Variants in CDH23 observed in about 807,000 individuals in gnomAD.
The protein encoded by CDH23 is cadherin related 23.
CDH23 carries 189 observed loss-of-function variants against 317.1 expected under a neutral mutation model. The observed-to-expected ratio is 0.60, with a 90% CI of 0.53 to 0.67. The LOEUF (loss-of-function observed/expected upper bound fraction) is 0.67, where lower values mean the gene tolerates loss of function less well. CDH23 is among the 30% of genes least tolerant of loss of function. The pLI, the probability that CDH23 is intolerant of heterozygous loss-of-function variation, is 0.00. For synonymous variants in CDH23, 1,839 were observed against 1,876.8 expected (o/e 0.98, Z 0.52); for missense variants, 4,401 against 4,592.4 (o/e 0.96, Z 1.20).
intron 11 of CDH23, among the ~76,000 whole-genome samples, chr10:71,639,429 G>C (rs1862428903): frequency 6.6e-6 from 1 of 152,234 alleles, no homozygotes; most frequent in Non-Finnish European, 1.5e-5. Flanking sequence ...TTTGTGCCCT[G>C]ACCTGAGCTG....
intron 18 of CDH23, among the ~76,000 whole-genome samples, chr10:71,683,127 A>G (rs978290502): frequency 1.4e-4 from 21 of 152,162 alleles, no homozygotes; most frequent in African/African-American, 3.9e-4. Flanking sequence ...TGCTGAATCC[A>G]TCTCCACGCT....
chr10:71,536,193 C>T (rs1855690977), intron 6 of CDH23, among the ~76,000 whole-genome samples: 1 of 152,240 alleles, frequency 6.6e-6, no homozygotes, highest in East Asian at 1.9e-4. Flanking sequence ...CCATGGAGAG[C>T]AGGCTGTAGG....
chr10:71,402,528 A>G (rs1326504813), intron 1 of CDH23, among the ~76,000 whole-genome samples: 1 of 152,226 alleles, frequency 6.6e-6, no homozygotes, highest in Admixed American at 6.5e-5. Flanking sequence ...TGAGAGGACA[A>G]CTTTACAAGG....
intron 38 of CDH23, chr10:71,755,171 G>C: frequency 1.5e-6 from 1 of 687,880 alleles, no homozygotes; most frequent in Middle Eastern, 2.4e-4. Context: ...CTTGGCCCCC[G>C]GAAATGGCAT....
chr10:71,754,769 A>G (rs1051158487), intron 38 of CDH23, among the ~76,000 whole-genome samples: 1 of 152,172 alleles, frequency 6.6e-6, no homozygotes, highest in Non-Finnish European at 1.5e-5. Context: ...CATTTTTATT[A>G]TATGGTGGAC....
At chr10:71,403,145 A>C (rs1055860292) in intron 1 of CDH23, among the ~76,000 whole-genome samples, 3 of 151,932 alleles carry the variant, frequency 2.0e-5, no homozygotes, top group Non-Finnish European at 2.9e-5. Context: ...AACAAAAAAC[A>C]ACAACCAAAA....
chr10:71,702,099 C>A lies in CDH23; in HGVS notation c.2475C>A (p.Ser825Arg). 6.2e-7 allele frequency: 1 copy of A among 1,613,980 alleles called. No homozygotes were observed. Reference sequence around the variant, plus strand: ...TCCAGCCACCCAACAAGTTCTACAGCCTCAACAGCACCACGGGCAAGATCC... The same window carrying A: ...TCCAGCCACCCAACAAGTTCTACAGACTCAACAGCACCACGGGCAAGATCC... ...YSIQPPNKFYSLNSTTGKIRT... is the reference protein window; with the variant it reads ...YSIQPPNKFYRLNSTTGKIRT... Residue 825 changes from serine to arginine, a missense_variant, in exon 23 of 70, where the codon AGC becomes AGA. Ser to Arg is a moderately radical substitution (Grantham distance 110). Around this residue, in one of 3 missense-constraint regions of CDH23, gnomAD observed 3,068 missense variants for 3,203.3 expected, o/e 0.96. Transcript: ENST00000224721.
intron 19 of CDH23, among the ~76,000 whole-genome samples, chr10:71,688,085 G>A (rs1159041909): frequency 6.6e-6 from 1 of 152,160 alleles, no homozygotes; most frequent in Non-Finnish European, 1.5e-5. Context: ...CAGGTCCCAG[G>A]GGCCATGATT....
intron 44 of CDH23, among the ~76,000 whole-genome samples, chr10:71,788,485 T>C (rs1369522640): frequency 1.3e-5 from 2 of 152,076 alleles, no homozygotes; most frequent in Non-Finnish European, 2.9e-5. Context: ...AGATGGAGTC[T>C]TGCTCTGTCA....
intron 9 of CDH23, among the ~76,000 whole-genome samples, chr10:71,589,047 T>G (rs1230717382): frequency 6.6e-6 from 1 of 151,780 alleles, no homozygotes. Flanking sequence ...AGCCCTTCCC[T>G]CTACAGGGCC....
At position 71,687,702 on chromosome 10, in the gene CDH23, TGGA is replaced by T. The variant is rs1469305853; in HGVS notation, c.2044_2046del (p.Glu682del). 1.2e-6 allele frequency: 2 copies of T among 1,613,746 alleles called. No homozygotes were observed. The highest frequency in any genetic ancestry group is 1.7e-6 in the Non-Finnish European group (2 of 1,179,826). On this transcript the variant is annotated inframe_deletion, in exon 19 of 70. Transcript: ENST00000224721. ...AAGCCCGCCTACTTCGTCTCCGTGG[TGGA>T]GAACATCATGGCAGGTACAGGCTCA...
rs560086041 is a variant in CDH23 at position 71,688,039 on chromosome 10, G to A, written c.2059+320G>A. Among the ~76,000 whole-genome samples the A allele has an allele frequency of 3.5e-4, 53 of 152,340 alleles. 1 individual carries two copies. The South Asian group carries it at 0.01, about 30-fold the overall frequency. On this transcript the variant is annotated intron_variant, in intron 19 of 69. Transcript: ENST00000224721. ...AGCAATCTTGATTAAACAGTCTCAA[G>A]TATACAGAGGGCTCTGAGACTATAG... is the stretch of plus-strand genomic sequence containing the variant.
intron 38 of CDH23, chr10:71,755,151 C>A: frequency 1.5e-6 from 1 of 659,094 alleles, no homozygotes; most frequent in East Asian, 2.9e-5. Context: ...GCCAAAGGGG[C>A]TGGTGGGCAC....
chr10:71,611,687 T>A (rs868143113), intron 9 of CDH23, among the ~76,000 whole-genome samples: 150 of 152,318 alleles, frequency 9.8e-4, no homozygotes, highest in African/African-American at 3.3e-3. Flanking sequence ...AGACCCATGA[T>A]TTGAACCCGT....
intron 19 of CDH23, among the ~76,000 whole-genome samples, chr10:71,689,212 T>C (rs202061210): frequency 0.025 from 2,183 of 87,990 alleles, 466 homozygotes; most frequent in Middle Eastern, 0.06. Flanking sequence ...GTTGGTGGAG[T>C]CAGGGATGGT....
At chr10:71,554,406 C>T (rs1376378486) in intron 6 of CDH23, among the ~76,000 whole-genome samples, 3 of 151,746 alleles carry the variant, frequency 2.0e-5, no homozygotes, top group Non-Finnish European at 4.4e-5. Flanking sequence ...CTATGTTGCC[C>T]AGGCTGGTCT....
chr10:71,631,074 A>G (rs1181990805), intron 11 of CDH23, among the ~76,000 whole-genome samples: 3 of 152,148 alleles, frequency 2.0e-5, no homozygotes, highest in Non-Finnish European at 1.5e-5. Context: ...TGAGACCCCC[A>G]TCTCTACAAA....
chr10:71,813,015 C>T lies in CDH23; in HGVS notation c.9633+125C>T, dbSNP rs1055790154. On this transcript the variant is annotated intron_variant, in intron 68 of 69. Coordinates refer to ENST00000224721, the MANE Select transcript of CDH23 (RefSeq NM_022124.6). ...CCACCCTCCACTGGGGCGAGAACACCAGGGCTGATGGGGGGCTACTCCAGC... is the reference window on the plus strand; with the variant it reads ...CCACCCTCCACTGGGGCGAGAACACTAGGGCTGATGGGGGGCTACTCCAGC... The T allele has an allele frequency of 6.9e-6, 10 of 1,453,300 alleles. No individual in the cohort carries two copies. The African/African-American group carries it at 1.1e-4, about 16-fold the overall frequency. 90.0% of individuals were successfully genotyped at this position (1,453,300 alleles called of 1,614,324 possible). A position where few individuals can be genotyped will look rare whatever the true frequency, so the allele number is the denominator to read the frequency against.
In CDH23 at chr10:71,454,453, C is replaced by T. The variant is rs60199907; in HGVS notation, c.145+8058C>T. Among the ~76,000 whole-genome samples the T allele has an allele frequency of 2.0e-5, 3 of 152,342 alleles. No individual in the cohort carries two copies. The East Asian group carries it at 5.8e-4, about 29-fold the overall frequency. On this transcript the variant is annotated intron_variant, in intron 3 of 69. Transcript: ENST00000224721. ...AAGAAACTGCCTCTGGCTGTCCTTT[C>T]TATTGGAAGGCTGCTGGAGGCTCTT...
Sources: gnomAD v4.1 joint callset for allele counts (sites outside exome capture counted in the v4.1 genomes callset) on GRCh38, gnomAD v4.1.1 for gene constraint, gnomAD v4.1.1 regional missense constraint, MANE v1.5 for transcripts, NCBI Gene and HGNC (gene_info 2026-07-23, HGNC 2026-07-21) for gene names.